TPBGL: variants seen among roughly 807,000 people sequenced by gnomAD.
TPBGL encodes the protein trophoblast glycoprotein-like.
For synonymous variants in TPBGL, 380 were observed against 314.8 expected (o/e 1.21, Z -2.19); for missense variants, 685 against 609.4 (o/e 1.12, Z -1.31).
rs1381373872 is a variant in TPBGL, at chr11:75,242,579, G to A, written c.*381G>A. On this transcript the variant is annotated 3_prime_UTR_variant, in exon 1 of 1. Coordinates refer to ENST00000562197, the MANE Select transcript of TPBGL (RefSeq NM_001195528.2). ...GCTCGGAGCCCTCAGTCCCCTCCGG[G>A]GCTTGAGGGCCCTTCCATCCCATTC... is the stretch of plus-strand genomic sequence containing the variant. The A allele has an allele frequency of 6.6e-6, 1 of 152,200 alleles. No individual in the cohort carries two copies. The highest frequency in any genetic ancestry group is 2.4e-5 in the African/African-American group (1 of 41,380). 9.4% of individuals were successfully genotyped at this position (152,200 alleles called of 1,614,324 possible). A position where few individuals can be genotyped will look rare whatever the true frequency, so the allele number is the denominator to read the frequency against.
Position 75,241,070 on chromosome 11 carries a change from G to T in TPBGL, c.21G>T (p.Gln7His). Reference protein sequence around the residue: MAPRAGQPGLQGLLLVA... With the variant: MAPRAGHPGLQGLLLVA... ...CCGCGATGGCCCCGCGCGCGGGACA[G>T]CCGGGGCTCCAGGGGCTGCTGCTCG... Residue 7 changes from glutamine to histidine, a missense_variant, in exon 1 of 1, where the codon CAG becomes CAT. Transcript: ENST00000562197. 1 of 1,288,816 alleles carries T rather than the reference G, an allele frequency of 7.8e-7. No homozygotes were observed. Among genetic ancestry groups the T allele is most frequent in the Non-Finnish European group, 9.8e-7 (1 of 1,020,676 alleles). 79.8% of individuals were successfully genotyped at this position (1,288,816 alleles called of 1,614,324 possible). A position where few individuals can be genotyped will look rare whatever the true frequency, so the allele number is the denominator to read the frequency against.
Position 75,242,086 on chromosome 11 carries a change from A to G in TPBGL, c.1037A>G (p.Asp346Gly), listed in dbSNP as rs1945605821. 8 of 1,433,942 alleles carry G rather than the reference A, an allele frequency of 5.6e-6. No homozygotes were observed. The highest frequency in any genetic ancestry group is 6.4e-6 in the Non-Finnish European group (7 of 1,089,646). The allele number at this position is 1,433,942 out of a possible 1,614,324, so 88.8% of individuals were successfully genotyped here. A position where few individuals can be genotyped will look rare whatever the true frequency, so the allele number is the denominator to read the frequency against. ...WMRNLREACRDQMEGYHYRYE... is the reference protein window; with the variant it reads ...WMRNLREACRGQMEGYHYRYE... ...CGCAACCTGCGCGAGGCGTGCCGGG[A>G]CCAGATGGAGGGCTACCACTACCGC... Residue 346 changes from aspartate to glycine, a missense_variant, in exon 1 of 1, where the codon GAC becomes GGC. Physicochemically the swap from Asp to Gly is moderately conservative, Grantham distance 94 (BLOSUM62 -1). Coordinates refer to ENST00000562197, the MANE Select transcript of TPBGL (RefSeq NM_001195528.2).
chr11:75,241,824 TCGCGGCGCCTGCGCTGCGCCGCCC>T lies in TPBGL; in HGVS notation c.781_804del (p.Arg261_Arg268del). 1 of 1,286,234 alleles carries T rather than the reference TCGCGGCGCCTGCGCTGCGCCGCCC, an allele frequency of 7.8e-7. No individual in the cohort carries two copies. Among genetic ancestry groups the T allele is most frequent in the Non-Finnish European group, 9.8e-7 (1 of 1,021,414 alleles). 79.7% of individuals were successfully genotyped at this position (1,286,234 alleles called of 1,614,324 possible). On this transcript the variant is annotated inframe_deletion, in exon 1 of 1. Transcript: ENST00000562197. ...CAACGCCACGGAGCGCGTGCCCGAC[TCGCGGCGCCTGCGCTGCGCCGCCC>T]CGCGGGCGCTGCTAGACCGGCCGCT...
At position 75,241,565 on chromosome 11, in the gene TPBGL, C is replaced by T; in HGVS notation, c.516C>T (p.Ala172=). ...TGGACGCTGCGCTGGCACCGCTGGC[C>T]GAGCTTCGCCTGCTGGGCCTAGCGG... ...AALDAALAPL[A]ELRLLGLAGN... The change falls in exon 1 of 1, where the codon GCC becomes GCT. Residue 172 remains alanine, a synonymous_variant. Transcript: ENST00000562197. 7.7e-7 allele frequency: 1 copy of T among 1,298,036 alleles called. No homozygotes were observed. The highest frequency in any genetic ancestry group is 1.7e-5 in the South Asian group (1 of 59,870). The allele number at this position is 1,298,036 out of a possible 1,614,324, so 80.4% of individuals were successfully genotyped here.
At position 75,242,178 on chromosome 11, in the gene TPBGL, T is replaced by A. The variant is rs1280892756; in HGVS notation, c.1129T>A (p.Ser377Thr). The A allele has an allele frequency of 6.9e-6, 8 of 1,159,282 alleles. No individual in the cohort carries two copies. Among genetic ancestry groups the A allele is most frequent in the Admixed American group, 4.8e-5 (1 of 20,972 alleles). 71.8% of individuals were successfully genotyped at this position (1,159,282 alleles called of 1,614,324 possible). ...CGCGCCCGCGGGCTCCCGCGCCACC[T>A]CCCCGGGCTCGGGGCTCTGAGCGGC... ...PAAPAGSRAT[S>T]PGSGL Residue 377 changes from serine (S) to threonine (T), a missense_variant, in exon 1 of 1, where the codon TCC (serine) becomes ACC (threonine). Ser to Thr is a moderately conservative substitution (Grantham distance 58, BLOSUM62 1). Transcript: ENST00000562197.
Position 75,241,658 on chromosome 11 carries a change from C to T in TPBGL, c.609C>T (p.Arg203=). 4 of 1,309,162 alleles carry T rather than the reference C, an allele frequency of 3.1e-6. No individual in the cohort carries two copies. Among genetic ancestry groups the T allele is most frequent in the Non-Finnish European group, 2.9e-6 (3 of 1,023,656 alleles). 81.1% of individuals were successfully genotyped at this position (1,309,162 alleles called of 1,614,324 possible). A position where few individuals can be genotyped will look rare whatever the true frequency, so the allele number is the denominator to read the frequency against. ...CGCGCCTGGAGCAGCTGGACGTGCG[C>T]CTCAACGCGCTGGCCGGCCTGGACC... is the stretch of plus-strand genomic sequence containing the variant. ...RLARLEQLDV[R]LNALAGLDPD... is the part of the protein sequence containing the mutation. The change falls in exon 1 of 1, where the codon CGC becomes CGT. Residue 203 remains arginine, a synonymous_variant. Transcript: ENST00000562197.
chr11:75,241,487 G>T lies in TPBGL; in HGVS notation c.438G>T (p.Ser146=). The T allele has an allele frequency of 8.1e-7, 1 of 1,238,642 alleles. No individual in the cohort carries two copies. The highest frequency in any genetic ancestry group is 2.8e-5 in the South Asian group (1 of 35,634). The allele number at this position is 1,238,642 out of a possible 1,614,324, so 76.7% of individuals were successfully genotyped here. ...TCCGCGGGCTGCCCGCGCTGCGCTC[G>T]CTGCAGCTCAACCACGCGCTGGTGC... is the stretch of plus-strand genomic sequence containing the variant. ...GAFRGLPALR[S]LQLNHALVRG... The change falls in exon 1 of 1, where the codon TCG becomes TCT. Residue 146 remains serine (S), a synonymous_variant. Coordinates refer to ENST00000562197, the MANE Select transcript of TPBGL (RefSeq NM_001195528.2).
At position 75,241,315 on chromosome 11, in the gene TPBGL, C is replaced by T; in HGVS notation, c.266C>T (p.Ala89Val). The T allele has an allele frequency of 7.4e-7, 1 of 1,343,446 alleles. No homozygotes were observed. The highest frequency in any genetic ancestry group is 1.8e-5 in the South Asian group (1 of 55,106). 83.2% of individuals were successfully genotyped at this position (1,343,446 alleles called of 1,614,324 possible). The change falls in exon 1 of 1, where the codon GCG (alanine) becomes GTG (valine). Residue 89 changes from alanine (A) to valine (V), a missense_variant. By Grantham distance (64) the Ala-to-Val change is moderately conservative (BLOSUM62 0). Transcript: ENST00000562197. ...AGGDGDGDQA[A>V]GVRLPLLSAL... is the part of the protein sequence containing the mutation. ...GGGGACGGGGACGGCGACCAGGCGGCGGGCGTGCGCCTGCCGCTCCTGAGC... is the reference window on the plus strand; with the variant it reads ...GGGGACGGGGACGGCGACCAGGCGGTGGGCGTGCGCCTGCCGCTCCTGAGC...
At position 75,242,820 on chromosome 11, in the gene TPBGL, G is replaced by A. The variant is rs939350508; in HGVS notation, c.*622G>A. 1 of 140,820 alleles carries A rather than the reference G, an allele frequency of 7.1e-6. No individual in the cohort carries two copies. Among genetic ancestry groups the A allele is most frequent in the Non-Finnish European group, 1.5e-5 (1 of 66,464 alleles). 8.7% of individuals were successfully genotyped at this position (140,820 alleles called of 1,614,324 possible). A position where few individuals can be genotyped will look rare whatever the true frequency, so the allele number is the denominator to read the frequency against. On this transcript the variant is annotated 3_prime_UTR_variant, in exon 1 of 1. Coordinates refer to ENST00000562197, the MANE Select transcript of TPBGL (RefSeq NM_001195528.2). ...TCAGGCCCTTCCCTTCCTCGGCTCA[G>A]GCATGGGGCTCAGCTCCTAGTCTGT... is the stretch of plus-strand genomic sequence containing the variant.
rs1285251892 is a variant in TPBGL at position 75,241,251 on chromosome 11, G to A, written c.202G>A (p.Ala68Thr). 2.8e-6 allele frequency: 4 copies of A among 1,414,694 alleles called. No homozygotes were observed. The highest frequency in any genetic ancestry group is 6.3e-5 in the East Asian group (2 of 31,754). 87.6% of individuals were successfully genotyped at this position (1,414,694 alleles called of 1,614,324 possible). ...CGCGCGCAACCTCACCATCGTAGGC[G>A]CCAACCTGACGGTGCTGCGCGCGGC... is the stretch of plus-strand genomic sequence containing the variant. ...PDARNLTIVG[A>T]NLTVLRAAAF... Residue 68 changes from alanine (A) to threonine (T), a missense_variant, in exon 1 of 1, where the codon GCC becomes ACC. Physicochemically the swap from Ala to Thr is moderately conservative, Grantham distance 58. Coordinates refer to ENST00000562197, the MANE Select transcript of TPBGL (RefSeq NM_001195528.2).
Position 75,241,838 on chromosome 11 carries a change from C to T in TPBGL, c.789C>T (p.Arg263=), listed in dbSNP as rs772565540. 3.6e-3 allele frequency: 4,653 copies of T among 1,289,324 alleles called. 14 individuals carry two copies. Among genetic ancestry groups the T allele is most frequent in the Non-Finnish European group, 4.1e-3 (4,215 of 1,024,708 alleles). The allele number at this position is 1,289,324 out of a possible 1,614,324, so 79.9% of individuals were successfully genotyped here. ...GCGTGCCCGACTCGCGGCGCCTGCG[C>T]TGCGCCGCCCCGCGGGCGCTGCTAG... The part of the protein sequence containing the change: ...TERVPDSRRL[R]CAAPRALLDR... Residue 263 remains arginine (R), a synonymous_variant, in exon 1 of 1, where the codon CGC becomes CGT. Transcript: ENST00000562197.
In TPBGL at chr11:75,241,856, G is replaced by A. The variant is rs1486929879; in HGVS notation, c.807G>A (p.Ala269=). 1.5e-6 allele frequency: 2 copies of A among 1,302,320 alleles called. No homozygotes were observed. Among genetic ancestry groups the A allele is most frequent in the South Asian group, 4.3e-5 (2 of 46,168 alleles). The allele number at this position is 1,302,320 out of a possible 1,614,324, so 80.7% of individuals were successfully genotyped here. ...GCCTGCGCTGCGCCGCCCCGCGGGC[G>A]CTGCTAGACCGGCCGCTACTGGACC... is the stretch of plus-strand genomic sequence containing the variant. ...SRRLRCAAPR[A]LLDRPLLDLD... is the part of the protein sequence containing the mutation. The change falls in exon 1 of 1, where the codon GCG becomes GCA. Residue 269 remains alanine, a synonymous_variant. Transcript: ENST00000562197.
chr11:75,241,309 A>T lies in TPBGL; in HGVS notation c.260A>T (p.Gln87Leu). Reference protein sequence around the residue: ...AFAGGDGDGDQAAGVRLPLLS... With the variant: ...AFAGGDGDGDLAAGVRLPLLS... The stretch of plus-strand genomic sequence containing the variant: ...GCCGGCGGGGACGGGGACGGCGACC[A>T]GGCGGCGGGCGTGCGCCTGCCGCTC... Residue 87 changes from glutamine to leucine, a missense_variant, in exon 1 of 1, where the codon CAG becomes CTG. Coordinates refer to ENST00000562197, the MANE Select transcript of TPBGL (RefSeq NM_001195528.2). 1.5e-6 allele frequency: 2 copies of T among 1,343,088 alleles called. No homozygotes were observed. The highest frequency in any genetic ancestry group is 1.8e-5 in the South Asian group (1 of 55,072). The allele number at this position is 1,343,088 out of a possible 1,614,324, so 83.2% of individuals were successfully genotyped here. A position where few individuals can be genotyped will look rare whatever the true frequency, so the allele number is the denominator to read the frequency against.
Position 75,241,028 on chromosome 11 carries a change from G to T in TPBGL, c.-22G>T, listed in dbSNP as rs1467726902. 3 of 1,212,594 alleles carry T rather than the reference G, an allele frequency of 2.5e-6. No homozygotes were observed. The highest frequency in any genetic ancestry group is 3.1e-6 in the Non-Finnish European group (3 of 978,024). The allele number at this position is 1,212,594 out of a possible 1,614,324, so 75.1% of individuals were successfully genotyped here. On this transcript the variant is annotated 5_prime_UTR_variant, in exon 1 of 1. Coordinates refer to ENST00000562197, the MANE Select transcript of TPBGL (RefSeq NM_001195528.2). ...CACTGGTGAGCGCGGCGGCCCGGGC[G>T]CTGGATGCGGGGGCGGCCGCGATGG...
rs1046114535 is a variant in TPBGL at position 75,241,296 on chromosome 11, G to C, written c.247G>C (p.Gly83Arg). 7.7e-4 allele frequency: 1,031 copies of C among 1,346,984 alleles called. No individual in the cohort carries two copies. The highest frequency in any genetic ancestry group is 9.2e-4 in the Non-Finnish European group (974 of 1,056,012). The allele number at this position is 1,346,984 out of a possible 1,614,324, so 83.4% of individuals were successfully genotyped here. ...LRAAAFAGGD[G>R]DGDQAAGVRL... is the part of the protein sequence containing the mutation. ...CGCGGCCGCCTTCGCCGGCGGGGAC[G>C]GGGACGGCGACCAGGCGGCGGGCGT... is the stretch of plus-strand genomic sequence containing the variant. The change falls in exon 1 of 1, where the codon GGG (glycine) becomes CGG (arginine). Residue 83 changes from glycine to arginine, a missense_variant. Physicochemically the swap from Gly to Arg is moderately radical, Grantham distance 125. Coordinates refer to ENST00000562197, the MANE Select transcript of TPBGL (RefSeq NM_001195528.2).
chr11:75,242,168 C>CCGCG lies in TPBGL; in HGVS notation c.1121_1124dup (p.Thr376ArgfsTer40). ...CCGCGCCCGCCGCGCCCGCGGGCTC[C>CCGCG]CGCGCCACCTCCCCGGGCTCGGGGC... On this transcript the variant is annotated frameshift_variant, in exon 1 of 1. Coordinates refer to ENST00000562197, the MANE Select transcript of TPBGL (RefSeq NM_001195528.2). LOFTEE classifies it high-confidence loss of function. The CCGCG allele has an allele frequency of 8.5e-7, 1 of 1,182,656 alleles. No individual in the cohort carries two copies. Among genetic ancestry groups the CCGCG allele is most frequent in the African/African-American group, 1.6e-5 (1 of 61,956 alleles). 73.3% of individuals were successfully genotyped at this position (1,182,656 alleles called of 1,614,324 possible). A position where few individuals can be genotyped will look rare whatever the true frequency, so the allele number is the denominator to read the frequency against.
rs1183751837 is a variant in TPBGL at position 75,241,620 on chromosome 11, G to T, written c.571G>T (p.Ala191Ser). The T allele has an allele frequency of 1.5e-6, 2 of 1,314,280 alleles. No homozygotes were observed. The highest frequency in any genetic ancestry group is 2.0e-6 in the Non-Finnish European group (2 of 1,024,370). The allele number at this position is 1,314,280 out of a possible 1,614,324, so 81.4% of individuals were successfully genotyped here. Residue 191 changes from alanine (A) to serine (S), a missense_variant, in exon 1 of 1, where the codon GCC (alanine) becomes TCC (serine). Ala to Ser is a moderately conservative substitution (Grantham distance 99). Coordinates refer to ENST00000562197, the MANE Select transcript of TPBGL (RefSeq NM_001195528.2). ...CGCGCTGAGCCGTCTGCCGCCAGCC[G>T]CCCTGCGCCTGGCGCGCCTGGAGCA... ...GNALSRLPPA[A>S]LRLARLEQLD...
In TPBGL at chr11:75,241,266, C is replaced by A. The variant is rs1406549357; in HGVS notation, c.217C>A (p.Leu73Met). The change falls in exon 1 of 1, where the codon CTG (leucine) becomes ATG (methionine). Residue 73 changes from leucine to methionine, a missense_variant. Coordinates refer to ENST00000562197, the MANE Select transcript of TPBGL (RefSeq NM_001195528.2). ...LTIVGANLTV[L>M]RAAAFAGGDG... ...CATCGTAGGCGCCAACCTGACGGTG[C>A]TGCGCGCGGCCGCCTTCGCCGGCGG... 1.5e-6 allele frequency: 2 copies of A among 1,361,806 alleles called. No individual in the cohort carries two copies. The highest frequency in any genetic ancestry group is 7.6e-5 in the Admixed American group (2 of 26,342). 84.4% of individuals were successfully genotyped at this position (1,361,806 alleles called of 1,614,324 possible). A position where few individuals can be genotyped will look rare whatever the true frequency, so the allele number is the denominator to read the frequency against.
rs1256465615 is a variant in TPBGL, at chr11:75,240,979, GCC to G, written c.-66_-65del. The G allele has an allele frequency of 4.0e-5, 44 of 1,110,478 alleles. No homozygotes were observed. The highest frequency in any genetic ancestry group is 4.9e-5 in the Non-Finnish European group (44 of 889,018). The allele number at this position is 1,110,478 out of a possible 1,614,324, so 68.8% of individuals were successfully genotyped here. ...CGGGTCAAGGACTCGCCCCACCCGT[GCC>G]CCCCACCAGGCGCTCCCAACTCACT... On this transcript the variant is annotated 5_prime_UTR_variant, in exon 1 of 1. Coordinates refer to ENST00000562197, the MANE Select transcript of TPBGL (RefSeq NM_001195528.2).
Sources: allele counts gnomAD v4.1 joint callset, GRCh38; gene constraint gnomAD v4.1.1; transcripts MANE v1.5; gene names NCBI Gene and HGNC (gene_info 2026-07-23, HGNC 2026-07-21).